The following NPL variants were observed in gnomAD, a reference collection of about 807,000 sequenced individuals.
The protein encoded by NPL is N-acetylneuraminate pyruvate lyase, also known as N-acetylneuraminate lyase.
Under a neutral mutation model 41.1 loss-of-function variants are expected in NPL, and 32 were observed. The ratio of observed to expected loss-of-function variants is 0.78; its 90% CI spans 0.59 to 1.05. The LOEUF is 1.05. NPL is among the 50% of genes least tolerant of loss of function. The probability of loss-of-function intolerance (pLI) is 0.00; values close to 1 mark genes in which losing one functional copy is unlikely to be tolerated. For synonymous variants in NPL, 128 were observed against 134.9 expected (o/e 0.95, Z 0.35); for missense variants, 321 against 378.4 (o/e 0.85, Z 1.26).
At chr1:182,791,108 C>G (rs1557937657) in intron 1 of NPL, 1 of 152,130 alleles carries the variant, frequency 6.6e-6, no homozygotes, top group Non-Finnish European at 1.5e-5. Flanking sequence ...CTTAATAACT[C>G]TGATGTAAGG....
intron 3 of NPL, among the ~76,000 whole-genome samples, chr1:182,802,248 T>A (rs1039924211): frequency 6.6e-6 from 1 of 152,228 alleles, no homozygotes; most frequent in African/African-American, 2.4e-5. Flanking sequence ...GCTCCCCTTA[T>A]AGGCTTTATA....
chr1:182,829,302 T>C lies in NPL; in HGVS notation c.*394T>C. 8.4e-7 allele frequency: 1 copy of C among 1,192,930 alleles called. No individual in the cohort carries two copies. 73.9% of individuals were successfully genotyped at this position (1,192,930 alleles called of 1,614,324 possible). A position where few individuals can be genotyped will look rare whatever the true frequency, so the allele number is the denominator to read the frequency against. ...TAATATGTCTTCATTTTAATAAATA[T>C]TCATTTGGAATCTAGGAAAACTCTG... On this transcript the variant is annotated 3_prime_UTR_variant, in exon 13 of 13. Transcript: ENST00000367553.
intron 6 of NPL, among the ~76,000 whole-genome samples, chr1:182,813,195 T>A (rs1667229106): frequency 6.6e-6 from 1 of 151,662 alleles, no homozygotes; most frequent in African/African-American, 2.4e-5. Flanking sequence ...AAATTGTTTA[T>A]CAGAAGGCCC....
chr1:182,806,749 A>C (rs10911136), intron 5 of NPL, among the ~76,000 whole-genome samples: 9,002 of 152,208 alleles, frequency 0.059, 662 homozygotes, highest in African/African-American at 0.18. Flanking sequence ...GCAGTGATAA[A>C]TTTTTGTAAC....
intron 3 of NPL, among the ~76,000 whole-genome samples, chr1:182,801,678 C>T (rs1666851825): frequency 2.0e-5 from 3 of 152,038 alleles, no homozygotes; most frequent in African/African-American, 7.3e-5. Flanking sequence ...AGTGAGGTCT[C>T]ATCTCTACCC....
chr1:182,829,433 A>AT lies in NPL; in HGVS notation c.*526dup. 3 of 1,424,016 alleles carry AT rather than the reference A, an allele frequency of 2.1e-6. No homozygotes were observed. The highest frequency in any genetic ancestry group is 2.8e-6 in the Non-Finnish European group (3 of 1,087,972). 88.2% of individuals were successfully genotyped at this position (1,424,016 alleles called of 1,614,324 possible). Reference sequence around the variant, plus strand: ...TTTGGCTGCTCAGTCTAACTCTAGAATGGATGCTTTTGAATTCATTTCGAT... The same window carrying AT: ...TTTGGCTGCTCAGTCTAACTCTAGAATTGGATGCTTTTGAATTCATTTCGAT... On this transcript the variant is annotated 3_prime_UTR_variant, in exon 13 of 13. Transcript: ENST00000367553.
chr1:182,805,630 A>C (rs1158109230), intron 4 of NPL, among the ~76,000 whole-genome samples: 1 of 152,236 alleles, frequency 6.6e-6, no homozygotes, highest in Non-Finnish European at 1.5e-5. Context: ...AGCACTTGGT[A>C]TAAGAAATAT....
chr1:182,803,805 C>T lies in NPL; in HGVS notation c.142+34C>T, dbSNP rs764804138. 3 of 1,414,020 alleles carry T rather than the reference C, an allele frequency of 2.1e-6. No individual in the cohort carries two copies. In the South Asian group the frequency reaches 3.5e-5, roughly 16 times the overall value. The allele number at this position is 1,414,020 out of a possible 1,614,324, so 87.6% of individuals were successfully genotyped here. A position where few individuals can be genotyped will look rare whatever the true frequency, so the allele number is the denominator to read the frequency against. On this transcript the variant is annotated intron_variant, in intron 4 of 12. Coordinates refer to ENST00000367553, the MANE Select transcript of NPL (RefSeq NM_030769.3). Reference sequence around the variant, plus strand: ...ACTCTGGGGATGTCGCTGCATGTCTCCAGCTCAGTCTTTAGAAGGTATATC... The same window carrying T: ...ACTCTGGGGATGTCGCTGCATGTCTTCAGCTCAGTCTTTAGAAGGTATATC...
At chr1:182,796,523 G>A (rs931365574) in intron 3 of NPL, among the ~76,000 whole-genome samples, 1 of 152,174 alleles carries the variant, frequency 6.6e-6, no homozygotes, top group Non-Finnish European at 1.5e-5. Context: ...ATAATTCTGA[G>A]TGGCTGAACA....
chr1:182,829,216 C>G lies in NPL; in HGVS notation c.*308C>G. ...TTAATTCCATCTGTCTTTAGGAGCT[C>G]TCATTATCTCGGTCTCTGGTTCCTA... is the stretch of plus-strand genomic sequence containing the variant. On this transcript the variant is annotated 3_prime_UTR_variant, in exon 13 of 13. Transcript: ENST00000367553. The G allele has an allele frequency of 8.2e-7, 1 of 1,212,282 alleles. No homozygotes were observed. Among genetic ancestry groups the G allele is most frequent in the Non-Finnish European group, 1.0e-6 (1 of 972,140 alleles). 75.1% of individuals were successfully genotyped at this position (1,212,282 alleles called of 1,614,324 possible).
intron 6 of NPL, among the ~76,000 whole-genome samples, chr1:182,814,251 T>C (rs1342610390): frequency 6.6e-6 from 1 of 152,202 alleles, no homozygotes; most frequent in African/African-American, 2.4e-5. Context: ...AGATACATAG[T>C]GTTATAAGGG....
chr1:182,829,104 C>T lies in NPL; in HGVS notation c.*196C>T, dbSNP rs191568819. ...GGGGCAAAAACTCTAGGAGTCACAA[C>T]TCTCAGTCATTCATTTCACAGATTT... On this transcript the variant is annotated 3_prime_UTR_variant, in exon 13 of 13. Coordinates refer to ENST00000367553, the MANE Select transcript of NPL (RefSeq NM_030769.3). The T allele has an allele frequency of 2.1e-6, 3 of 1,403,506 alleles. No individual in the cohort carries two copies. Among genetic ancestry groups the T allele is most frequent in the South Asian group, 3.3e-5 (2 of 61,418 alleles). The allele number at this position is 1,403,506 out of a possible 1,614,324, so 86.9% of individuals were successfully genotyped here.
chr1:182,807,832 A>T (rs538519200), intron 5 of NPL, among the ~76,000 whole-genome samples: 1 of 150,640 alleles, frequency 6.6e-6, no homozygotes, highest in South Asian at 2.1e-4. Context: ...TGGAGCTTGC[A>T]ATGAGCCAAG....
intron 3 of NPL, among the ~76,000 whole-genome samples, chr1:182,803,408 G>A (rs754315135): frequency 2.6e-5 from 4 of 152,148 alleles, no homozygotes; most frequent in Non-Finnish European, 5.9e-5. Context: ...AAGATAGTTC[G>A]TTAACTACTT....
chr1:182,821,386 T>C (rs544867377), intron 10 of NPL, among the ~76,000 whole-genome samples: 15 of 152,342 alleles, frequency 9.8e-5, no homozygotes, highest in African/African-American at 3.4e-4. Flanking sequence ...TTGGAGAGTT[T>C]TTTAAGTCCA....
intron 6 of NPL, among the ~76,000 whole-genome samples, chr1:182,812,712 AT>A (rs916568303): frequency 4.6e-5 from 7 of 150,990 alleles, no homozygotes; most frequent in East Asian, 1.9e-4. Flanking sequence ...CCGTTGTGGA[AT>A]TTTTTTTTTC....
At chr1:182,827,802 G>T in intron 12 of NPL, among the ~76,000 whole-genome samples, 1 of 151,868 alleles carries the variant, frequency 6.6e-6, no homozygotes, top group Non-Finnish European at 1.5e-5. Flanking sequence ...TTTCCTCATG[G>T]GTTTTGTAAT....
At chr1:182,807,720 CAAAA>C (rs753955697) in intron 5 of NPL, among the ~76,000 whole-genome samples, 4 of 55,432 alleles carry the variant, frequency 7.2e-5, no homozygotes, top group Non-Finnish European at 1.2e-4. Flanking sequence ...ACTAAAAATA[CAAAA>C]AAAAAAAAAA....
chr1:182,823,707 G>A (rs1015363514), intron 11 of NPL, among the ~76,000 whole-genome samples: 1 of 152,178 alleles, frequency 6.6e-6, no homozygotes, highest in Non-Finnish European at 1.5e-5. Flanking sequence ...AATCATAGAT[G>A]GAGTAGACTG....
Sources: allele counts gnomAD v4.1 joint callset (sites outside exome capture counted in the v4.1 genomes callset), GRCh38; gene constraint gnomAD v4.1.1; transcripts MANE v1.5; gene names NCBI Gene and HGNC (gene_info 2026-07-23, HGNC 2026-07-21).